Variants in PTPRD observed in about 807,000 individuals in gnomAD.
PTPRD encodes the protein receptor-type tyrosine-protein phosphatase delta.
A neutral mutation model predicts 214.5 loss-of-function variants in PTPRD; 34 were observed. That is an observed-to-expected ratio of 0.16 (90% CI 0.12 to 0.21). The LOEUF is 0.21. Ranked by LOEUF, PTPRD falls within the 10% of genes least tolerant of loss-of-function variation. The pLI is 1.00. For synonymous variants in PTPRD, 1,128 were observed against 845.7 expected, an observed-to-expected ratio of 1.33 and a Z score of -5.79; for missense variants, 2,545 against 2,398.7, an observed-to-expected ratio of 1.06 and a Z score of -1.27.
chr9:9,285,548 G>T (rs946454722), intron 9 of PTPRD, among the ~76,000 whole-genome samples: 5 of 151,744 alleles, frequency 3.3e-5, no homozygotes, highest in African/African-American at 1.2e-4. Context: ...TAGCAATTGT[G>T]CAAGTGCTAA....
At chr9:10,054,576 G>C (rs2097587284) in intron 3 of PTPRD, among the ~76,000 whole-genome samples, 1 of 152,060 alleles carries the variant, frequency 6.6e-6, no homozygotes, top group African/African-American at 2.4e-5. Context: ...ACCCAGAAAG[G>C]TCTTTTTCAA....
intron 5 of PTPRD, among the ~76,000 whole-genome samples, chr9:9,895,158 C>T (rs1332854527): frequency 6.6e-6 from 1 of 152,010 alleles, no homozygotes; most frequent in Non-Finnish European, 1.5e-5. Flanking sequence ...TCTTTCCTTA[C>T]AAGTACTTGT....
chr9:9,042,892 C>T (rs772955550), intron 10 of PTPRD, among the ~76,000 whole-genome samples: 2 of 152,018 alleles, frequency 1.3e-5, no homozygotes, highest in African/African-American at 2.4e-5. Flanking sequence ...AGTATCTGGT[C>T]TGGGGTGGCA....
chr9:9,437,472 T>G (rs1324060847), intron 8 of PTPRD, among the ~76,000 whole-genome samples: 1 of 152,142 alleles, frequency 6.6e-6, no homozygotes, highest in South Asian at 2.1e-4. Flanking sequence ...TCAAAGGGTC[T>G]GAGACTGTTG....
intron 3 of PTPRD, among the ~76,000 whole-genome samples, chr9:10,070,480 G>C (rs2097983007): frequency 1.3e-5 from 2 of 152,022 alleles, no homozygotes; most frequent in South Asian, 2.1e-4. Context: ...TTCTATGAAA[G>C]ATTTTCAGCT....
At chr9:8,440,866 T>C (rs960311946) in intron 34 of PTPRD, among the ~76,000 whole-genome samples, 3 of 152,174 alleles carry the variant, frequency 2.0e-5, no homozygotes, top group African/African-American at 7.2e-5. Context: ...TAGAGATGAC[T>C]TAGTCCAGCA....
At chr9:10,467,532 G>T (rs1044056945) in intron 2 of PTPRD, among the ~76,000 whole-genome samples, 1 of 152,130 alleles carries the variant, frequency 6.6e-6, no homozygotes, top group African/African-American at 2.4e-5. Flanking sequence ...AGGGGAAACT[G>T]CATGCACACA....
chr9:10,503,847 G>T (rs1182346825), intron 2 of PTPRD, among the ~76,000 whole-genome samples: 4 of 151,442 alleles, frequency 2.6e-5, no homozygotes, highest in Admixed American at 2.0e-4. Flanking sequence ...CTGGGCGCGG[G>T]GGCTCACACC....
chr9:8,428,388 C>G (rs1443913726), intron 35 of PTPRD, among the ~76,000 whole-genome samples: 1 of 152,210 alleles, frequency 6.6e-6, no homozygotes, highest in Non-Finnish European at 1.5e-5. Flanking sequence ...AATGTTGTTA[C>G]TGCTTTTTAT....
chr9:9,805,505 T>G (rs1381701533), intron 5 of PTPRD, among the ~76,000 whole-genome samples: 1 of 152,160 alleles, frequency 6.6e-6, no homozygotes, highest in Non-Finnish European at 1.5e-5. Flanking sequence ...ATGTAAATAT[T>G]TGCTATCTGA....
At chr9:10,507,601 A>G (rs2046462339) in intron 2 of PTPRD, among the ~76,000 whole-genome samples, 1 of 152,146 alleles carries the variant, frequency 6.6e-6, no homozygotes. Context: ...CAAAACAGAG[A>G]TATAGACCAA....
chr9:10,433,615 C>T (rs766417815), intron 2 of PTPRD, among the ~76,000 whole-genome samples: 2 of 151,924 alleles, frequency 1.3e-5, no homozygotes, highest in South Asian at 4.2e-4. Context: ...AACTTGTCAC[C>T]TAATTTGGAG....
intron 3 of PTPRD, among the ~76,000 whole-genome samples, chr9:10,277,187 C>T (rs1451784388): frequency 6.6e-6 from 1 of 151,814 alleles, no homozygotes; most frequent in Non-Finnish European, 1.5e-5. Context: ...AAAAAAACAA[C>T]ATAAACATAA....
intron 3 of PTPRD, among the ~76,000 whole-genome samples, chr9:10,294,801 A>C (rs1224282556): frequency 6.6e-6 from 1 of 151,980 alleles, no homozygotes; most frequent in Admixed American, 6.6e-5. Flanking sequence ...TCACTTTACC[A>C]ACTATCTTTG....
intron 35 of PTPRD, among the ~76,000 whole-genome samples, chr9:8,434,917 G>GA (rs1298393984): frequency 6.6e-6 from 1 of 152,180 alleles, no homozygotes; most frequent in African/African-American, 2.4e-5. Flanking sequence ...GGAAGAGCAG[G>GA]AAAGAAATAA....
intron 35 of PTPRD, among the ~76,000 whole-genome samples, chr9:8,414,516 C>T (rs561232857): frequency 6.6e-6 from 1 of 152,118 alleles, no homozygotes; most frequent in Admixed American, 6.6e-5. Context: ...AACAGTTGTG[C>T]TCCCCAAAGA....
At chr9:8,543,964 CCT>C (rs1354994947) in intron 14 of PTPRD, among the ~76,000 whole-genome samples, 1 of 152,126 alleles carries the variant, frequency 6.6e-6, no homozygotes, top group Non-Finnish European at 1.5e-5. Flanking sequence ...CCCACCTCAG[CCT>C]CCCAAAATGT....
chr9:9,031,176 A>C (rs1432505213), intron 10 of PTPRD, among the ~76,000 whole-genome samples: 1 of 150,446 alleles, frequency 6.6e-6, no homozygotes, highest in Non-Finnish European at 1.5e-5. Flanking sequence ...TTTGATGCAG[A>C]GCCAGGAAAT....
chr9:9,003,448 T>C (rs2154356660), intron 11 of PTPRD, among the ~76,000 whole-genome samples: 1 of 152,126 alleles, frequency 6.6e-6, no homozygotes, highest in South Asian at 2.1e-4. Context: ...ATGCCTATTC[T>C]CCTTTAGTAT....
Sources: gnomAD v4.1 joint callset for allele counts (sites outside exome capture counted in the v4.1 genomes callset) on GRCh38, gnomAD v4.1.1 for gene constraint, MANE v1.5 for transcripts, NCBI Gene and HGNC (gene_info 2026-07-23, HGNC 2026-07-21) for gene names.